ANKRD11: variants seen among roughly 807,000 people sequenced by gnomAD.
ANKRD11 encodes the protein ankyrin repeat domain 11, also known as ankyrin repeat domain-containing protein 11.
Under a neutral mutation model 195.7 loss-of-function variants are expected in ANKRD11, and 17 were observed. That is an observed-to-expected ratio of 0.09 (90% CI 0.06 to 0.13). The LOEUF (loss-of-function observed/expected upper bound fraction) is 0.13, where lower values mean the gene tolerates loss of function less well. Ranked by LOEUF, ANKRD11 falls within the 10% of genes least tolerant of loss-of-function variation. The pLI, the probability that ANKRD11 is intolerant of heterozygous loss-of-function variation, is 1.00. For synonymous variants in ANKRD11, 1,953 were observed against 1,528.1 expected, an observed-to-expected ratio of 1.28 and a Z score of -6.49; for missense variants, 3,735 against 3,566.1, an observed-to-expected ratio of 1.05 and a Z score of -1.21.
At chr16:89,389,746 TGG>T (rs1419928973) in intron 2 of ANKRD11, among the ~76,000 whole-genome samples, 39 of 148,332 alleles carry the variant, frequency 2.6e-4, no homozygotes, top group Non-Finnish European at 4.7e-4. Flanking sequence ...ACACCGAGTG[TGG>T]CGGGGAGCAC....
intron 4 of ANKRD11, 134 bp downstream of exon 4, chr16:89,305,072 T>C (rs530383468): frequency 1.8e-4 from 255 of 1,381,080 alleles, no homozygotes; most frequent in Non-Finnish European, 1.3e-4. Flanking sequence ...TGCTGCCTCT[T>C]GCCTGGACGG....
chr16:89,334,420 A>G (rs2038241435), intron 2 of ANKRD11, among the ~76,000 whole-genome samples: 2 of 152,070 alleles, frequency 1.3e-5, no homozygotes, highest in African/African-American at 2.4e-5. Flanking sequence ...TACCCCTCCA[A>G]GCCTGCCATT....
At chr16:89,312,171 G>A (rs1597585333) in intron 3 of ANKRD11, among the ~76,000 whole-genome samples, 1 of 152,292 alleles carries the variant, frequency 6.6e-6, no homozygotes, top group East Asian at 1.9e-4. Flanking sequence ...GTGCTGGGAT[G>A]ACAGGTGTGA....
intron 1 of ANKRD11, among the ~76,000 whole-genome samples, chr16:89,470,964 G>C (rs2057064483): frequency 6.6e-6 from 1 of 152,126 alleles, no homozygotes; most frequent in Non-Finnish European, 1.5e-5. Flanking sequence ...CTGCACTCCA[G>C]CCTGGGCGAC....
chr16:89,315,662 A>G (rs1249383633), intron 3 of ANKRD11, among the ~76,000 whole-genome samples: 1 of 152,256 alleles, frequency 6.6e-6, no homozygotes, highest in Non-Finnish European at 1.5e-5. Context: ...AGCTTGGGAC[A>G]GAGCAAGTGG....
chr16:89,473,237 C>T (rs2057148686), intron 1 of ANKRD11, among the ~76,000 whole-genome samples: 1 of 151,614 alleles, frequency 6.6e-6, no homozygotes. Context: ...AGGCATCAGT[C>T]AGGGAAAGGA....
chr16:89,281,214 G>C lies in ANKRD11; in HGVS notation c.5328C>G (p.Ser1776Arg). The C allele has an allele frequency of 6.2e-7, 1 of 1,614,200 alleles. No homozygotes were observed. Among genetic ancestry groups the C allele is most frequent in the Middle Eastern group, 1.6e-4 (1 of 6,062 alleles). ...VASSGLSENA[S>R]QAPARPLSTN... ...TGGAGAGAGGCCTGGCAGGAGCCTG[G>C]CTGGCGTTTTCCGAAAGCCCACTTG... Residue 1776 changes from serine (S) to arginine (R), a missense_variant, in exon 9 of 13, where the codon AGC (serine) becomes AGG (arginine). Ser to Arg is a moderately radical substitution (Grantham distance 110). Coordinates refer to ENST00000301030, the MANE Select transcript of ANKRD11 (RefSeq NM_013275.6). The surrounding 1 kb of genome is among the most constrained non-coding windows in gnomAD (Gnocchi z 5.5).
intron 2 of ANKRD11, chr16:89,370,773 C>G (rs2040158670): frequency 6.6e-6 from 1 of 152,530 alleles, no homozygotes; most frequent in Non-Finnish European, 1.5e-5. Context: ...TGGTCAGAGG[C>G]AGCCGAAGAT....
intron 1 of ANKRD11, among the ~76,000 whole-genome samples, chr16:89,426,519 C>A (rs955952512): frequency 3.8e-5 from 5 of 131,902 alleles, no homozygotes; most frequent in South Asian, 2.6e-4. Context: ...CTCTGATGGT[C>A]ACTTAAACAT....
intron 2 of ANKRD11, among the ~76,000 whole-genome samples, chr16:89,357,689 T>C (rs2152048922): frequency 6.6e-6 from 1 of 152,282 alleles, no homozygotes; most frequent in Non-Finnish European, 1.5e-5. Flanking sequence ...TAACGAGGAA[T>C]GCCTGTCACA....
At chr16:89,460,829 C>G (rs962348992) in intron 1 of ANKRD11, among the ~76,000 whole-genome samples, 1 of 152,202 alleles carries the variant, frequency 6.6e-6, no homozygotes, top group African/African-American at 2.4e-5. Context: ...AATGAAGATT[C>G]TGACCCACAG....
intron 2 of ANKRD11, 77 bp from the exon 3 acceptor site, chr16:89,317,155 A>G: frequency 1.0e-6 from 1 of 986,716 alleles, no homozygotes; most frequent in Non-Finnish European, 1.6e-6. Flanking sequence ...CGCACTCAAC[A>G]GACTCAGTAA....
Position 89,385,930 on chromosome 16 carries a change from G to A in ANKRD11, c.-60+32354C>T, listed in dbSNP as rs547019658. ...CCCCACTCCCAGGAGGTCACCACACGGATGCCAAACTTAGCACACAGCGGA... is the reference window on the plus strand; with the variant it reads ...CCCCACTCCCAGGAGGTCACCACACAGATGCCAAACTTAGCACACAGCGGA... On this transcript the variant is annotated intron_variant, in intron 2 of 12. Coordinates refer to ENST00000301030, the MANE Select transcript of ANKRD11 (RefSeq NM_013275.6). Among the ~76,000 whole-genome samples the A allele has an allele frequency of 3.9e-5, 6 of 152,346 alleles. 1 individual carries two copies. The Middle Eastern group carries it at 0.01, about 259-fold the overall frequency.
At chr16:89,274,617 T>G in intron 11 of ANKRD11, 197 bp downstream of exon 11, 2 of 777,898 alleles carry the variant, frequency 2.6e-6, no homozygotes, top group Non-Finnish European at 4.2e-6. Context: ...GGGAGCTGTC[T>G]GCTGTCTGCT....
chr16:89,375,561 G>A (rs545021738), intron 2 of ANKRD11, among the ~76,000 whole-genome samples: 9 of 151,960 alleles, frequency 5.9e-5, no homozygotes, highest in Non-Finnish European at 1.0e-4. Context: ...CCAGGCCCAA[G>A]CGATTCTCCT....
chr16:89,287,189 C>G lies in ANKRD11; in HGVS notation c.745-1003G>C, dbSNP rs868391712. ...CCAGCTGCTTAGGGGCCACCACACT[C>G]CTCGGCCCTCCTCTAAGGCCAGCAG... On this transcript the variant is annotated intron_variant, in intron 7 of 12. Coordinates refer to ENST00000301030, the MANE Select transcript of ANKRD11 (RefSeq NM_013275.6). The G allele has an allele frequency of 1.2e-5, 12 of 1,022,298 alleles. No individual in the cohort carries two copies. The East Asian group carries it at 2.4e-4, about 20-fold the overall frequency. 63.3% of individuals were successfully genotyped at this position (1,022,298 alleles called of 1,614,324 possible). A position where few individuals can be genotyped will look rare whatever the true frequency, so the allele number is the denominator to read the frequency against.
chr16:89,392,576 A>G (rs7205785), intron 2 of ANKRD11: 83,909 of 151,394 alleles, frequency 0.55, 23,337 homozygotes, highest in Middle Eastern at 0.72. Flanking sequence ...GTTCAAGAAC[A>G]TGGTCGTGAT....
intron 4 of ANKRD11, among the ~76,000 whole-genome samples, chr16:89,293,267 C>T (rs552843825): frequency 2.0e-5 from 3 of 152,312 alleles, no homozygotes; most frequent in Non-Finnish European, 4.4e-5. Flanking sequence ...TGCAAAGCTG[C>T]ACACAGCACA....
chr16:89,385,392 G>C (rs1036846367), intron 2 of ANKRD11, among the ~76,000 whole-genome samples: 2 of 152,122 alleles, frequency 1.3e-5, no homozygotes, highest in African/African-American at 4.8e-5. Flanking sequence ...GCCTCCCAAA[G>C]TGCTGGGATT....
Sources: gnomAD v4.1 joint callset for allele counts (sites outside exome capture counted in the v4.1 genomes callset) on GRCh38, gnomAD v4.1.1 for gene constraint, Gnocchi (gnomAD v3.1) non-coding constraint, MANE v1.5 for transcripts, NCBI Gene and HGNC (gene_info 2026-07-23, HGNC 2026-07-21) for gene names.